Variants in KCNAB1 observed in about 807,000 individuals in gnomAD.
KCNAB1 encodes voltage-gated potassium channel subunit beta-1.
KCNAB1 carries 35 observed loss-of-function variants against 64.6 expected under a neutral mutation model. The observed-to-expected ratio is 0.54, with a 90% CI of 0.41 to 0.72. The LOEUF is 0.72. Among genes scored for constraint, KCNAB1 ranks in the 30% least tolerant of loss-of-function variants. KCNAB1 has a pLI of 0.00. For missense variants in KCNAB1, 401 were observed against 512.9 expected, an observed-to-expected ratio of 0.78 and a Z score of 2.11; for synonymous variants, 177 against 183.8, an observed-to-expected ratio of 0.96 and a Z score of 0.30.
rs11351525 is a variant in KCNAB1, at chr3:156,515,481, C to CA, written c.865+271dup. Among the ~76,000 whole-genome samples the CA allele has an allele frequency of 8.2e-4, 123 of 149,810 alleles. 1 individual carries two copies. Among genetic ancestry groups the CA allele is most frequent in the African/African-American group, 2.6e-3 (108 of 40,926 alleles). ...ATTTCAGCTGTACTCAGCAGGTGTT[C>CA]AAAAAAAAAATGCATACTGAATAAA... On this transcript the variant is annotated intron_variant, in intron 10 of 13. Coordinates refer to ENST00000490337, the MANE Select transcript of KCNAB1 (RefSeq NM_172160.3).
At position 156,361,416 on chromosome 3, in the gene KCNAB1, A is replaced by G. The variant is rs532734761; in HGVS notation, c.276-60200A>G. On this transcript the variant is annotated intron_variant, in intron 1 of 13. Transcript: ENST00000490337. ...CCCCTTCCCTGCTTCATTTTTTCTC[A>G]TGAAGCTCATCACCACCTGACTTTA... is the stretch of plus-strand genomic sequence containing the variant. Among the ~76,000 whole-genome samples, 11 of 151,958 alleles carry G rather than the reference A, an allele frequency of 7.2e-5. No individual in the cohort carries two copies. In the South Asian group the frequency reaches 2.3e-3, roughly 32 times the overall value.
At chr3:156,376,080 A>T (rs538260717) in intron 1 of KCNAB1, among the ~76,000 whole-genome samples, 3 of 152,354 alleles carry the variant, frequency 2.0e-5, no homozygotes, top group Admixed American at 6.5e-5. Flanking sequence ...TTGGCATCCC[A>T]AAGTGCTGGG....
chr3:156,326,591 T>C (rs1281492920), intron 1 of KCNAB1, among the ~76,000 whole-genome samples: 1 of 152,146 alleles, frequency 6.6e-6, no homozygotes, highest in Non-Finnish European at 1.5e-5. Flanking sequence ...TCAATTCTTA[T>C]CACTACTCTC....
chr3:156,363,250 T>C (rs1725726582), intron 1 of KCNAB1, among the ~76,000 whole-genome samples: 1 of 152,260 alleles, frequency 6.6e-6, no homozygotes, highest in Non-Finnish European at 1.5e-5. Context: ...TTATGCCTTA[T>C]TACATCTAAC....
intron 1 of KCNAB1, among the ~76,000 whole-genome samples, chr3:156,310,744 C>T (rs1192730714): frequency 6.6e-6 from 1 of 152,154 alleles, no homozygotes; most frequent in African/African-American, 2.4e-5. Flanking sequence ...GCGGAGCTTG[C>T]AGTGAGCTGA....
chr3:156,186,562 C>G (rs909733530), intron 1 of KCNAB1, among the ~76,000 whole-genome samples: 2 of 152,104 alleles, frequency 1.3e-5, no homozygotes, highest in African/African-American at 4.8e-5. Flanking sequence ...AAATGAAACT[C>G]CTTTCCTTTT....
At chr3:156,346,369 G>A (rs952867270) in intron 1 of KCNAB1, among the ~76,000 whole-genome samples, 3 of 152,160 alleles carry the variant, frequency 2.0e-5, no homozygotes, top group African/African-American at 7.2e-5. Flanking sequence ...TAATTTGTAT[G>A]TGTGAAGTAT....
chr3:156,271,968 G>T (rs577677069), intron 1 of KCNAB1, among the ~76,000 whole-genome samples: 1 of 152,350 alleles, frequency 6.6e-6, no homozygotes, highest in Admixed American at 6.5e-5. Flanking sequence ...TAGAAGTACT[G>T]CCTTGATGGT....
chr3:156,330,364 G>A (rs1280861177), intron 1 of KCNAB1, among the ~76,000 whole-genome samples: 3 of 152,100 alleles, frequency 2.0e-5, no homozygotes, highest in East Asian at 3.9e-4. Flanking sequence ...CCTCCCTTTA[G>A]GCACTTCTCT....
chr3:156,297,054 T>C (rs935611192), intron 1 of KCNAB1, among the ~76,000 whole-genome samples: 2 of 152,174 alleles, frequency 1.3e-5, no homozygotes, highest in African/African-American at 4.8e-5. Flanking sequence ...ATTTATCACA[T>C]GTATAGATTT....
At chr3:156,187,571 T>A (rs566998404) in intron 1 of KCNAB1, among the ~76,000 whole-genome samples, 1 of 152,348 alleles carries the variant, frequency 6.6e-6, no homozygotes, top group Non-Finnish European at 1.5e-5. Flanking sequence ...AACTTGGGCA[T>A]CCTGCTGGAC....
intron 1 of KCNAB1, among the ~76,000 whole-genome samples, chr3:156,185,739 A>ATT (rs142995034): frequency 2.0e-5 from 3 of 150,178 alleles, no homozygotes; most frequent in Admixed American, 1.3e-4. Flanking sequence ...TGATAGGAGT[A>ATT]TTTTTTTTTT....
intron 1 of KCNAB1, among the ~76,000 whole-genome samples, chr3:156,226,272 A>C (rs922090158): frequency 3.9e-5 from 6 of 152,220 alleles, no homozygotes; most frequent in Non-Finnish European, 8.8e-5. Context: ...AGATACAGTC[A>C]ACTGATCTTG....
At chr3:156,243,178 G>C (rs573949467) in intron 1 of KCNAB1, among the ~76,000 whole-genome samples, 1 of 152,160 alleles carries the variant, frequency 6.6e-6, no homozygotes, top group Admixed American at 6.5e-5. Flanking sequence ...AAAGTGCTGG[G>C]ATTACAGGCG....
intron 7 of KCNAB1, among the ~76,000 whole-genome samples, chr3:156,472,835 C>T (rs1281446430): frequency 6.6e-6 from 1 of 152,092 alleles, no homozygotes; most frequent in East Asian, 1.9e-4. Flanking sequence ...CTGGCACGGT[C>T]TCAGGATAAA....
intron 1 of KCNAB1, among the ~76,000 whole-genome samples, chr3:156,131,721 G>A (rs573905866): frequency 6.6e-6 from 1 of 152,332 alleles, no homozygotes; most frequent in East Asian, 1.9e-4. Flanking sequence ...GACCAGCCTG[G>A]ACAGCACAGT....
At chr3:156,438,797 C>T (rs1173999793) in intron 2 of KCNAB1, among the ~76,000 whole-genome samples, 7 of 152,066 alleles carry the variant, frequency 4.6e-5, no homozygotes, top group Non-Finnish European at 7.4e-5. Context: ...GGGCCGATCA[C>T]GATGTCAGGA....
chr3:156,523,643 C>A, intron 11 of KCNAB1, 184 bp from the exon 12 acceptor site: 2 of 613,178 alleles, frequency 3.3e-6, no homozygotes, highest in South Asian at 3.9e-5. Context: ...TGTTTTGAAC[C>A]AATAAACAAG....
At chr3:156,402,657 A>T (rs1713987719) in intron 1 of KCNAB1, among the ~76,000 whole-genome samples, 1 of 152,202 alleles carries the variant, frequency 6.6e-6, no homozygotes, top group South Asian at 2.1e-4. Context: ...ATCAATAGAG[A>T]CTACAGTCCA....
Sources: gnomAD v4.1 joint callset for allele counts (sites outside exome capture counted in the v4.1 genomes callset) on GRCh38, gnomAD v4.1.1 for gene constraint, MANE v1.5 for transcripts, NCBI Gene and HGNC (gene_info 2026-07-23, HGNC 2026-07-21) for gene names.